GSAP: variants seen among roughly 807,000 people sequenced by gnomAD.
GSAP encodes the protein gamma-secretase-activating protein.
In GSAP, 118 loss-of-function variants were observed where a neutral mutation model predicts 131.7. The observed-to-expected ratio is 0.90, with a 90% CI of 0.77 to 1.04. GSAP has a LOEUF of 1.04. Among genes scored for constraint, GSAP ranks in the 50% least tolerant of loss-of-function variants. The pLI, the probability that GSAP is intolerant of heterozygous loss-of-function variation, is 0.00. For synonymous variants in GSAP, 381 were observed against 363.4 expected, an observed-to-expected ratio of 1.05 and a Z score of -0.55; for missense variants, 1,019 against 1,013.2, an observed-to-expected ratio of 1.01 and a Z score of -0.08.
At chr7:77,312,304 C>T in intron 28 of GSAP, 102 bp from the exon 29 acceptor site, 1 of 609,984 alleles carries the variant, frequency 1.6e-6, no homozygotes, top group Non-Finnish European at 2.8e-6. Flanking sequence ...TCCAAAGTAG[C>T]TGGTTAGTCT....
At chr7:77,402,412 AT>A (rs1221415542) in intron 3 of GSAP, among the ~76,000 whole-genome samples, 6 of 113,794 alleles carry the variant, frequency 5.3e-5, no homozygotes, top group East Asian at 2.7e-4. Context: ...GAAAAAAAAA[AT>A]ATATATATAT....
chr7:77,416,542 G>A (rs1584013984), upstream of GSAP: 4 of 393,204 alleles, frequency 1.0e-5, no homozygotes, highest in East Asian at 4.0e-5. Context: ...CGGGCACGGC[G>A]GGTAGCGGTG....
At position 77,313,499 on chromosome 7, in the gene GSAP, G is replaced by A. The variant is rs372120642; in HGVS notation, c.2260C>T (p.Arg754Trp). Reference protein sequence around the residue: ...NEKLKFSIIVRLPPLIGQKIC... With the variant: ...NEKLKFSIIVWLPPLIGQKIC... ...TAACTCAGTATTACCGGAGGAAGCCGCACAATGATACTGAATTTCAGTTTT... is the reference window on the plus strand; with the variant it reads ...TAACTCAGTATTACCGGAGGAAGCCACACAATGATACTGAATTTCAGTTTT... Residue 754 changes from arginine to tryptophan, a missense_variant, in exon 28 of 31, where the codon CGG becomes TGG. Arg to Trp is a moderately radical substitution (Grantham distance 101). Coordinates refer to ENST00000257626, the MANE Select transcript of GSAP (RefSeq NM_017439.4). 19 of 1,553,100 alleles carry A rather than the reference G, an allele frequency of 1.2e-5. No individual in the cohort carries two copies. Among genetic ancestry groups the A allele is most frequent in the African/African-American group, 8.2e-5 (6 of 73,608 alleles).
intron 6 of GSAP, among the ~76,000 whole-genome samples, chr7:77,385,503 T>C (rs1383039163): frequency 6.6e-6 from 1 of 152,190 alleles, no homozygotes; most frequent in Non-Finnish European, 1.5e-5. Context: ...ACCCCAATCC[T>C]TCAGTCATGT....
intron 30 of GSAP, 74 bp downstream of exon 30, chr7:77,311,767 A>G (rs1274861604): frequency 3.9e-6 from 3 of 775,910 alleles, no homozygotes; most frequent in Non-Finnish European, 6.8e-6. Flanking sequence ...GAAAGAAGAC[A>G]AAGAAGTGAA....
Position 77,349,421 on chromosome 7 carries a change from C to G in GSAP, c.1492-17G>C. The G allele has an allele frequency of 6.7e-7, 1 of 1,502,114 alleles. No individual in the cohort carries two copies. Among genetic ancestry groups the G allele is most frequent in the Non-Finnish European group, 9.1e-7 (1 of 1,093,826 alleles). 93.0% of individuals were successfully genotyped at this position (1,502,114 alleles called of 1,614,324 possible). ...AGGAATTTCCTATAGTGGGGAAAAACACACACACACAGCTGCTCAGTGTAT... is the reference window on the plus strand; with the variant it reads ...AGGAATTTCCTATAGTGGGGAAAAAGACACACACACAGCTGCTCAGTGTAT... On this transcript the variant is annotated splice_polypyrimidine_tract_variant and intron_variant, in intron 18 of 30. Coordinates refer to ENST00000257626, the MANE Select transcript of GSAP (RefSeq NM_017439.4).
chr7:77,390,906 G>A lies in GSAP; in HGVS notation c.368-3458C>T, dbSNP rs1251367611. Among the ~76,000 whole-genome samples, 14 of 125,954 alleles carry A rather than the reference G, an allele frequency of 1.1e-4. 1 individual carries two copies. Among genetic ancestry groups the A allele is most frequent in the African/African-American group, 2.9e-4 (10 of 34,212 alleles). The allele number at this position is 125,954 out of a possible 152,430, so 82.6% of individuals were successfully genotyped here. ...GGAAGTTGCAGTGAGCCAAGGTTGC[G>A]CCACTGCACTCCAGCCTGGTGACAG... is the stretch of plus-strand genomic sequence containing the variant. On this transcript the variant is annotated intron_variant, in intron 5 of 30. Transcript: ENST00000257626.
At chr7:77,324,174 C>G (rs73703332) in intron 23 of GSAP, among the ~76,000 whole-genome samples, 2,323 of 152,290 alleles carry the variant, frequency 0.015, 57 homozygotes, top group African/African-American at 0.051. Flanking sequence ...TTTGGAAGGA[C>G]AGAAGCAGGA....
At chr7:77,357,546 T>C (rs1031717460) in intron 14 of GSAP, among the ~76,000 whole-genome samples, 9 of 152,026 alleles carry the variant, frequency 5.9e-5, no homozygotes, top group African/African-American at 1.9e-4. Context: ...TGTCCAATCT[T>C]TTGGGTTCCC....
intron 26 of GSAP, among the ~76,000 whole-genome samples, chr7:77,317,745 C>G (rs1787054602): frequency 6.6e-6 from 1 of 152,214 alleles, no homozygotes; most frequent in Non-Finnish European, 1.5e-5. Context: ...GCTTGAATAT[C>G]TGTAATGAAC....
rs113612780 is a variant in GSAP at position 77,400,232 on chromosome 7, G to C, written c.244-2817C>G. 6.1e-4 allele frequency among the ~76,000 whole-genome samples: 93 copies of C among 152,124 alleles called. 1 individual carries two copies. Among genetic ancestry groups the C allele is most frequent in the African/African-American group, 2.1e-3 (86 of 41,502 alleles). ...ATCAGGACTTTCAACCATTCCCAGT[G>C]GTAAACAAGCTTTCCCCCACCAAGA... On this transcript the variant is annotated intron_variant, in intron 3 of 30. Coordinates refer to ENST00000257626, the MANE Select transcript of GSAP (RefSeq NM_017439.4).
chr7:77,348,753 A>G (rs1438029837), intron 19 of GSAP, among the ~76,000 whole-genome samples: 1 of 152,214 alleles, frequency 6.6e-6, no homozygotes, highest in Non-Finnish European at 1.5e-5. Flanking sequence ...CTCCAAAACT[A>G]TTGTGAAGCC....
intron 1 of GSAP, among the ~76,000 whole-genome samples, chr7:77,410,850 A>G (rs1372344514): frequency 6.6e-6 from 1 of 152,196 alleles, no homozygotes; most frequent in East Asian, 1.9e-4. Flanking sequence ...TTCCTAATAC[A>G]TACATCAAGA....
intron 14 of GSAP, among the ~76,000 whole-genome samples, chr7:77,357,912 A>G (rs1793991560): frequency 6.6e-6 from 1 of 152,246 alleles, no homozygotes; most frequent in Non-Finnish European, 1.5e-5. Flanking sequence ...TTACAGCAAC[A>G]ATAAACTAAT....
At chr7:77,360,592 A>C (rs1234698007) in intron 14 of GSAP, among the ~76,000 whole-genome samples, 1 of 152,202 alleles carries the variant, frequency 6.6e-6, no homozygotes, top group Non-Finnish European at 1.5e-5. Context: ...TAGGTTCTCT[A>C]AAAAGGGAAG....
chr7:77,389,287 G>T (rs1056260390), intron 5 of GSAP, among the ~76,000 whole-genome samples: 1 of 149,970 alleles, frequency 6.7e-6, no homozygotes, highest in Non-Finnish European at 1.5e-5. Flanking sequence ...GTATGTGTGT[G>T]TGTATATATA....
intron 6 of GSAP, among the ~76,000 whole-genome samples, chr7:77,384,010 G>A (rs1159075544): frequency 6.6e-6 from 1 of 152,174 alleles, no homozygotes; most frequent in Non-Finnish European, 1.5e-5. Context: ...TTATAAAATA[G>A]CAATGCAGAA....
At chr7:77,364,206 A>G (rs1178958956) in intron 12 of GSAP, among the ~76,000 whole-genome samples, 3 of 152,118 alleles carry the variant, frequency 2.0e-5, no homozygotes, top group Non-Finnish European at 2.9e-5. Context: ...AACTAACACA[A>G]TATCTCAGAA....
chr7:77,407,600 A>C (rs1387644669), intron 1 of GSAP, among the ~76,000 whole-genome samples: 1 of 152,202 alleles, frequency 6.6e-6, no homozygotes, highest in East Asian at 1.9e-4. Flanking sequence ...GTTATACTAA[A>C]AGTTGTAACA....
Sources: allele counts gnomAD v4.1 joint callset (sites outside exome capture counted in the v4.1 genomes callset), GRCh38; gene constraint gnomAD v4.1.1; transcripts MANE v1.5; gene names NCBI Gene and HGNC (gene_info 2026-07-23, HGNC 2026-07-21).